Variants in DEPDC5 observed in about 807,000 individuals in gnomAD.
DEPDC5 encodes DEP domain containing 5, GATOR1 subcomplex subunit.
A neutral mutation model predicts 217.3 loss-of-function variants in DEPDC5; 73 were observed. That is an observed-to-expected ratio of 0.34 (90% CI 0.28 to 0.41). The LOEUF (loss-of-function observed/expected upper bound fraction) is 0.41. Among genes scored for constraint, DEPDC5 ranks in the 10% least tolerant of loss-of-function variants. The probability of loss-of-function intolerance (pLI) is 1.00; values close to 1 mark genes in which losing one functional copy is unlikely to be tolerated. For synonymous variants in DEPDC5, 733 were observed against 756.7 expected (o/e 0.97, Z 0.51); for missense variants, 1,675 against 2,070.1 (o/e 0.81, Z 3.70).
intron 24 of DEPDC5, among the ~76,000 whole-genome samples, chr22:31,824,889 T>A (rs900671406): frequency 2.7e-5 from 4 of 148,614 alleles, no homozygotes; most frequent in African/African-American, 1.0e-4. Context: ...GGCAGGAGAA[T>A]GGTGTGAACC....
At chr22:31,897,746 G>A in intron 40 of DEPDC5, 93 bp downstream of exon 40, 1 of 1,445,666 alleles carries the variant, frequency 6.9e-7, no homozygotes, top group South Asian at 1.3e-5. Flanking sequence ...ACACGGACTA[G>A]GGAAAAGGGA....
In DEPDC5 at chr22:31,861,396, G is replaced by A. The variant is rs1185705971; in HGVS notation, c.3293G>A (p.Arg1098His). 13 of 1,551,432 alleles carry A rather than the reference G, an allele frequency of 8.4e-6. No homozygotes were observed. The highest frequency in any genetic ancestry group is 1.2e-5 in the South Asian group (1 of 84,044). ...KDGAFFMEFVRSPRTASSAFY... is the reference protein window; with the variant it reads ...KDGAFFMEFVHSPRTASSAFY... Reference sequence around the variant, plus strand: ...GGGGCCTTCTTTATGGAGTTTGTCCGCAGCCCACGCACAGCATCGTCCGCC... The same window carrying A: ...GGGGCCTTCTTTATGGAGTTTGTCCACAGCCCACGCACAGCATCGTCCGCC... Residue 1098 changes from arginine to histidine, a missense_variant, in exon 33 of 43, where the codon CGC (arginine) becomes CAC (histidine). Transcript: ENST00000651528.
At position 31,901,610 on chromosome 22, in the gene DEPDC5, T is replaced by C. The variant is rs1055063472; in HGVS notation, c.4376-132T>C. 20 of 711,792 alleles carry C rather than the reference T, an allele frequency of 2.8e-5. No individual in the cohort carries two copies. The Middle Eastern group carries it at 1.5e-3, about 54-fold the overall frequency. The allele number at this position is 711,792 out of a possible 1,614,324, so 44.1% of individuals were successfully genotyped here. ...GGAGGCCAGTCTTTCTCAAAGGGCG[T>C]AGTATGGAGAAGCAGAGGTTAGGCT... On this transcript the variant is annotated intron_variant, in intron 40 of 42. Transcript: ENST00000651528.
intron 38 of DEPDC5, among the ~76,000 whole-genome samples, chr22:31,880,528 CTTTG>C (rs2093145564): frequency 6.6e-6 from 1 of 152,202 alleles, no homozygotes; most frequent in Non-Finnish European, 1.5e-5. Context: ...CCATGTTCTG[CTTTG>C]TTTGCCTGTA....
At chr22:31,783,251 C>T (rs2084641252) in intron 8 of DEPDC5, among the ~76,000 whole-genome samples, 1 of 152,150 alleles carries the variant, frequency 6.6e-6, no homozygotes, top group Admixed American at 6.6e-5. Flanking sequence ...GGTCCCCTTC[C>T]ACATGGAAGC....
At chr22:31,849,306 G>T (rs2091904873) in intron 31 of DEPDC5, among the ~76,000 whole-genome samples, 1 of 152,216 alleles carries the variant, frequency 6.6e-6, no homozygotes, top group African/African-American at 2.4e-5. Flanking sequence ...TACTAATAAA[G>T]ACATACCAGA....
intron 30 of DEPDC5, among the ~76,000 whole-genome samples, chr22:31,845,524 G>A (rs1467952757): frequency 6.6e-6 from 1 of 152,196 alleles, no homozygotes; most frequent in East Asian, 1.9e-4. Context: ...GAGCACAGCT[G>A]CTTGTGTGAC....
At chr22:31,764,209 T>TA (rs1378226672) in intron 4 of DEPDC5, among the ~76,000 whole-genome samples, 1 of 152,060 alleles carries the variant, frequency 6.6e-6, no homozygotes, top group Non-Finnish European at 1.5e-5. Flanking sequence ...TTAAAGATTT[T>TA]AAAAGAATTC....
chr22:31,876,856 T>C (rs2093005723), intron 37 of DEPDC5, among the ~76,000 whole-genome samples: 1 of 152,178 alleles, frequency 6.6e-6, no homozygotes, highest in South Asian at 2.1e-4. Flanking sequence ...GCACCCCAGA[T>C]TCAGACCAGC....
intron 11 of DEPDC5, 116 bp from the exon 12 acceptor site, chr22:31,792,629 A>G: frequency 1.6e-6 from 1 of 629,806 alleles, no homozygotes; most frequent in South Asian, 2.1e-5. Context: ...AAAAAAAAAA[A>G]AAAGACAGTT....
intron 41 of DEPDC5, among the ~76,000 whole-genome samples, chr22:31,905,259 T>G (rs1241779520): frequency 6.7e-6 from 1 of 149,192 alleles, no homozygotes; most frequent in Non-Finnish European, 1.5e-5. Context: ...CTTAGCTCAC[T>G]GCAGCCTCCG....
chr22:31,819,267 C>T, intron 22 of DEPDC5, 42 bp downstream of exon 22: 1 of 1,606,472 alleles, frequency 6.2e-7, no homozygotes, highest in Non-Finnish European at 8.5e-7. Flanking sequence ...CTAGGAGCTC[C>T]TAGCCCTGGT....
chr22:31,906,687 GAAGA>G lies in DEPDC5; in HGVS notation c.*195_*198del. 1 of 736,086 alleles carries G rather than the reference GAAGA, an allele frequency of 1.4e-6. No homozygotes were observed. The highest frequency in any genetic ancestry group is 2.2e-6 in the Non-Finnish European group (1 of 460,966). The allele number at this position is 736,086 out of a possible 1,614,324, so 45.6% of individuals were successfully genotyped here. On this transcript the variant is annotated 3_prime_UTR_variant, in exon 43 of 43. Transcript: ENST00000651528. This position sits in a 1 kb window ranked among gnomAD's most constrained non-coding sequence, Gnocchi z 5.1. The stretch of plus-strand genomic sequence containing the variant: ...CCCCCACGACAAGTCTTCTACTCTA[GAAGA>G]AAGACTTTGGAAGCAGCTGCTGCTG...
At chr22:31,781,797 G>A (rs2148377664) in intron 8 of DEPDC5, among the ~76,000 whole-genome samples, 1 of 152,316 alleles carries the variant, frequency 6.6e-6, no homozygotes, top group East Asian at 1.9e-4. Flanking sequence ...ACTTTGAGAG[G>A]CCGAGGTGGG....
At chr22:31,803,743 CA>C (rs112879884) in intron 15 of DEPDC5, among the ~76,000 whole-genome samples, 96 of 140,242 alleles carry the variant, frequency 6.8e-4, no homozygotes, top group Middle Eastern at 3.6e-3. Context: ...GCAAGACTGT[CA>C]AAAAAAAAAA....
intron 34 of DEPDC5, chr22:31,873,042 A>T: frequency 1.1e-6 from 1 of 935,126 alleles, no homozygotes; most frequent in Non-Finnish European, 1.5e-6. Context: ...GACGTAAGCC[A>T]CCAAACCCGG....
Position 31,768,806 on chromosome 22 carries a change from C to A in DEPDC5, c.364-8C>A. 6.2e-7 allele frequency: 1 copy of A among 1,612,488 alleles called. No homozygotes were observed. Among genetic ancestry groups the A allele is most frequent in the East Asian group, 2.2e-5 (1 of 44,816 alleles). ...CCTCTCTCTACCCCTCTCTCCCCCT[C>A]CTCTTAGGTCAGCACATGTGCCTAT... On this transcript the variant is annotated splice_polypyrimidine_tract_variant and splice_region_variant and intron_variant, in intron 6 of 42. Coordinates refer to ENST00000651528, the MANE Select transcript of DEPDC5 (RefSeq NM_001242896.3).
At chr22:31,897,972 C>T (rs1453525038) in intron 40 of DEPDC5, among the ~76,000 whole-genome samples, 1 of 152,188 alleles carries the variant, frequency 6.6e-6, no homozygotes, top group African/African-American at 2.4e-5. Flanking sequence ...TTCTCCCACG[C>T]TCTCCTTTCA....
Position 31,819,727 on chromosome 22 carries a change from C to T in DEPDC5, c.1870+502C>T, listed in dbSNP as rs555639433. Among the ~76,000 whole-genome samples, 5 of 152,260 alleles carry T rather than the reference C, an allele frequency of 3.3e-5. No homozygotes were observed. The South Asian group carries it at 1.0e-3, about 32-fold the overall frequency. ...ACAAGCAATCTGCCCACCTTAACCT[C>T]CCAGAGTGCTGGGATTATAGATGTG... is the stretch of plus-strand genomic sequence containing the variant. On this transcript the variant is annotated intron_variant, in intron 22 of 42. Transcript: ENST00000651528.
Sources: allele counts gnomAD v4.1 joint callset (sites outside exome capture counted in the v4.1 genomes callset), GRCh38; gene constraint gnomAD v4.1.1; non-coding constraint Gnocchi (gnomAD v3.1); transcripts MANE v1.5; gene names NCBI Gene and HGNC (gene_info 2026-07-23, HGNC 2026-07-21).